The following ACTR3C variants were observed in gnomAD, a reference collection of about 807,000 sequenced individuals.
ACTR3C encodes the protein actin-related protein 3C.
In ACTR3C, 18 loss-of-function variants were observed where a neutral mutation model predicts 26.3. The observed-to-expected ratio is 0.68, with a 90% CI of 0.47 to 1.01. ACTR3C has a LOEUF of 1.01. ACTR3C is among the 50% of genes least tolerant of loss of function. ACTR3C has a pLI of 0.00. For synonymous variants in ACTR3C, 55 were observed against 94.5 expected (o/e 0.58, Z 2.42); for missense variants, 184 against 250.7 (o/e 0.73, Z 1.80).
the ACTR3C span, among the ~76,000 whole-genome samples, chr7:149,990,175 T>C: frequency 2.4e-4 from 37 of 152,246 alleles, no homozygotes; most frequent in African/African-American, 8.7e-4. Context: ...TGAGCTCCAT[T>C]GCACCCTTCA....
At chr7:150,203,892 C>T in the ACTR3C span, among the ~76,000 whole-genome samples, 1 of 152,060 alleles carries the variant, frequency 6.6e-6, no homozygotes, top group African/African-American at 2.4e-5. Context: ...AAGTTAAAAG[C>T]TGTAAAAATG....
the ACTR3C span, among the ~76,000 whole-genome samples, chr7:150,005,427 G>A: frequency 6.6e-6 from 1 of 152,142 alleles, no homozygotes; most frequent in Non-Finnish European, 1.5e-5. Flanking sequence ...TGAGATTTTT[G>A]CAAAATCCTG....
At chr7:150,302,284 C>T (rs1400345138) in intron 1 of ACTR3C, among the ~76,000 whole-genome samples, 4 of 152,164 alleles carry the variant, frequency 2.6e-5, no homozygotes, top group Non-Finnish European at 5.9e-5. Flanking sequence ...GAAAGCAAGC[C>T]TCTTGCGCGG....
the ACTR3C span, among the ~76,000 whole-genome samples, chr7:149,937,312 C>T: frequency 3.4e-5 from 5 of 145,498 alleles, no homozygotes; most frequent in African/African-American, 7.7e-5. Context: ...ATGTTAGAGG[C>T]GGAGGCTTTA....
the ACTR3C span, among the ~76,000 whole-genome samples, chr7:149,917,408 A>C: frequency 4.4e-3 from 663 of 152,100 alleles, 6 homozygotes; most frequent in African/African-American, 0.014. Flanking sequence ...TTGCACGAAG[A>C]CTCTTTCACT....
chr7:150,207,948 T>C, the ACTR3C span, among the ~76,000 whole-genome samples: 5 of 152,064 alleles, frequency 3.3e-5, no homozygotes, highest in Non-Finnish European at 7.4e-5. Context: ...CTAACAAATT[T>C]TCCCAGAGAT....
the ACTR3C span, among the ~76,000 whole-genome samples, chr7:150,004,038 A>T: frequency 6.7e-6 from 1 of 148,562 alleles, no homozygotes; most frequent in Non-Finnish European, 1.5e-5. Flanking sequence ...ATGTGTGTGT[A>T]TGGTGTGTAT....
chr7:150,089,655 C>T, the ACTR3C span, among the ~76,000 whole-genome samples: 7 of 152,210 alleles, frequency 4.6e-5, no homozygotes, highest in Non-Finnish European at 8.8e-5. Flanking sequence ...TGGAGACCTA[C>T]GCTAGGTGCT....
intron 6 of ACTR3C, among the ~76,000 whole-genome samples, chr7:150,278,052 C>T (rs1208283691): frequency 1.3e-5 from 2 of 152,122 alleles, no homozygotes; most frequent in African/African-American, 4.8e-5. Context: ...TGTAATCTGG[C>T]CCCAAGCACA....
the ACTR3C span, among the ~76,000 whole-genome samples, chr7:150,087,592 G>GT: frequency 5.3e-5 from 8 of 152,214 alleles, no homozygotes; most frequent in East Asian, 1.5e-3. Context: ...TCAGAGAGCA[G>GT]TGGCCTTAAT....
the ACTR3C span, among the ~76,000 whole-genome samples, chr7:150,147,013 A>G: frequency 2.0e-5 from 3 of 152,204 alleles, no homozygotes; most frequent in African/African-American, 4.8e-5. Flanking sequence ...TGTATCCTGC[A>G]TCTGTCTCCA....
chr7:150,287,300 T>TGAA (rs1835861932), intron 4 of ACTR3C, among the ~76,000 whole-genome samples: 1 of 151,872 alleles, frequency 6.6e-6, no homozygotes, highest in Non-Finnish European at 1.5e-5. Flanking sequence ...GGTTATAAAG[T>TGAA]GATAGGTCCC....
chr7:150,233,061 T>C, the ACTR3C span, among the ~76,000 whole-genome samples: 1,762 of 152,264 alleles, frequency 0.012, 45 homozygotes, highest in African/African-American at 0.04. Context: ...TTTGGCACTC[T>C]TCCTTTGTTA....
At chr7:150,137,313 GT>G in the ACTR3C span, among the ~76,000 whole-genome samples, 7 of 152,144 alleles carry the variant, frequency 4.6e-5, no homozygotes, top group Non-Finnish European at 1.0e-4. Flanking sequence ...GTTTTCTCGG[GT>G]TTTTTACTTT....
At chr7:150,114,921 C>T in the ACTR3C span, among the ~76,000 whole-genome samples, 1 of 151,918 alleles carries the variant, frequency 6.6e-6, no homozygotes, top group South Asian at 2.1e-4. Flanking sequence ...CAAACTGTTG[C>T]CCAAGTATAG....
chr7:149,882,501 T>C, the ACTR3C span, among the ~76,000 whole-genome samples: 2 of 151,846 alleles, frequency 1.3e-5, no homozygotes, highest in East Asian at 3.9e-4. Flanking sequence ...TCTTCCATCC[T>C]TCCTTCCTGT....
the ACTR3C span, among the ~76,000 whole-genome samples, chr7:150,189,953 T>A: frequency 6.6e-6 from 1 of 150,414 alleles, no homozygotes; most frequent in African/African-American, 2.5e-5. Flanking sequence ...GGGAGATACA[T>A]GTTTAACATT....
At chr7:150,226,226 G>T in the ACTR3C span, among the ~76,000 whole-genome samples, 1,804 of 152,272 alleles carry the variant, frequency 0.012, 34 homozygotes, top group African/African-American at 0.041. Flanking sequence ...GAAAGTGATT[G>T]CTGGATCATA....
At chr7:150,045,480 G>GTAT in the ACTR3C span, among the ~76,000 whole-genome samples, 1 of 151,388 alleles carries the variant, frequency 6.6e-6, no homozygotes, top group Non-Finnish European at 1.5e-5. Context: ...TAATGGGCAA[G>GTAT]TATATATGTG....
Sources: allele counts gnomAD v4.1 joint callset (sites outside exome capture counted in the v4.1 genomes callset), GRCh38; gene constraint gnomAD v4.1.1; transcripts MANE v1.5; gene names NCBI Gene and HGNC (gene_info 2026-07-23, HGNC 2026-07-21).